The following ROR1 variants were observed in gnomAD, a reference collection of about 807,000 sequenced individuals.
ROR1 encodes the protein ROR family WNT receptor 1, also known as inactive tyrosine-protein kinase transmembrane receptor ROR1.
In ROR1, 19 loss-of-function variants were observed where a neutral mutation model predicts 78.8. The observed-to-expected ratio is 0.24, with a 90% CI of 0.17 to 0.35. The LOEUF is 0.35. Among genes scored for constraint, ROR1 ranks in the 10% least tolerant of loss-of-function variants. The pLI, the probability that ROR1 is intolerant of heterozygous loss-of-function variation, is 1.00. For synonymous variants in ROR1, 386 were observed against 433.6 expected, an observed-to-expected ratio of 0.89 and a Z score of 1.36; for missense variants, 917 against 1,177.8, an observed-to-expected ratio of 0.78 and a Z score of 3.24.
intron 1 of ROR1, among the ~76,000 whole-genome samples, chr1:63,981,719 G>T (rs1391824199): frequency 6.6e-6 from 1 of 152,034 alleles, no homozygotes; most frequent in Non-Finnish European, 1.5e-5. Flanking sequence ...AAGAAGGATG[G>T]CCTGGCCTAG....
intron 1 of ROR1, among the ~76,000 whole-genome samples, chr1:63,931,685 A>G (rs547154195): frequency 2.6e-5 from 4 of 152,324 alleles, no homozygotes; most frequent in South Asian, 2.1e-4. Flanking sequence ...TCTAGAGCCT[A>G]TTAGTCACTT....
At chr1:63,790,558 T>TTGGCAACCAATTCAGATTC (rs1553132007) in intron 1 of ROR1, among the ~76,000 whole-genome samples, 1 of 152,198 alleles carries the variant, frequency 6.6e-6, no homozygotes, top group Non-Finnish European at 1.5e-5. Flanking sequence ...CTGCTCTTAA[T>TTGGCAACCAATTCAGATTC]TGGCAACCAA....
At chr1:63,909,358 A>G (rs965834523) in intron 1 of ROR1, among the ~76,000 whole-genome samples, 39 of 152,348 alleles carry the variant, frequency 2.6e-4, no homozygotes, top group South Asian at 1.4e-3. Flanking sequence ...ATTAATTACA[A>G]TAGCATCTGT....
At chr1:63,828,500 A>T (rs1644968450) in intron 1 of ROR1, among the ~76,000 whole-genome samples, 1 of 152,176 alleles carries the variant, frequency 6.6e-6, no homozygotes, top group Admixed American at 6.5e-5. Context: ...CCAACACAAA[A>T]ATTACTGATG....
intron 1 of ROR1, among the ~76,000 whole-genome samples, chr1:63,874,868 A>G (rs11208309): frequency 0.45 from 68,767 of 151,984 alleles, 17,911 homozygotes; most frequent in African/African-American, 0.73. Context: ...GTTTCATTTC[A>G]TCAATTTTTT....
intron 1 of ROR1, among the ~76,000 whole-genome samples, chr1:63,811,428 G>A (rs1390206543): frequency 6.6e-6 from 1 of 152,148 alleles, no homozygotes; most frequent in Non-Finnish European, 1.5e-5. Context: ...TCAAAATTTT[G>A]TGTTTTGTCA....
intron 1 of ROR1, among the ~76,000 whole-genome samples, chr1:63,911,081 T>C (rs1292469432): frequency 2.0e-5 from 3 of 152,194 alleles, no homozygotes; most frequent in Non-Finnish European, 2.9e-5. Flanking sequence ...AATCAAATCA[T>C]AGACACTTTG....
intron 1 of ROR1, among the ~76,000 whole-genome samples, chr1:63,805,325 C>T (rs186093547): frequency 6.6e-6 from 1 of 152,286 alleles, no homozygotes; most frequent in Admixed American, 6.5e-5. Flanking sequence ...GCCACTGGCT[C>T]AGTGTGACCT....
intron 8 of ROR1, among the ~76,000 whole-genome samples, chr1:64,163,244 C>T (rs1649995971): frequency 6.7e-6 from 1 of 150,182 alleles, no homozygotes; most frequent in African/African-American, 2.4e-5. Context: ...CACACACACA[C>T]ACACACACAC....
intron 1 of ROR1, among the ~76,000 whole-genome samples, chr1:63,876,953 A>C (rs995057336): frequency 2.0e-5 from 3 of 151,928 alleles, no homozygotes; most frequent in African/African-American, 7.2e-5. Context: ...ACTTTTCTGC[A>C]ATGAAATAAC....
rs1292523058 is a variant in ROR1, at chr1:64,178,509, C to A, written c.2468C>A (p.Pro823Gln). ...NQRFIPINGYPIPPGYAAFPA... is the reference protein window; with the variant it reads ...NQRFIPINGYQIPPGYAAFPA... ...CGATTCATTCCCATCAATGGATACC[C>A]AATACCTCCTGGATATGCAGCGTTT... Residue 823 changes from proline to glutamine, a missense_variant, in exon 9 of 9, where the codon CCA (proline) becomes CAA (glutamine). Coordinates refer to ENST00000371079, the MANE Select transcript of ROR1 (RefSeq NM_005012.4). The surrounding 1 kb of genome is among the most constrained non-coding windows in gnomAD (Gnocchi z 4.3). The A allele has an allele frequency of 1.2e-6, 2 of 1,614,210 alleles. No homozygotes were observed. Among genetic ancestry groups the A allele is most frequent in the African/African-American group, 1.3e-5 (1 of 75,044 alleles).
At position 64,099,662 on chromosome 1, in the gene ROR1, C is replaced by T. The variant is rs1418679944; in HGVS notation, c.483-37707C>T. On this transcript the variant is annotated intron_variant, in intron 4 of 8. Coordinates refer to ENST00000371079, the MANE Select transcript of ROR1 (RefSeq NM_005012.4). ...TTGCAGATTGAGTAATGTCTTTTTC[C>T]GACAGTAAATTTAGTTAACAGTTAT... 2.6e-5 allele frequency among the ~76,000 whole-genome samples: 4 copies of T among 151,982 alleles called. No homozygotes were observed. The South Asian group carries it at 6.2e-4, about 24-fold the overall frequency.
At chr1:63,966,436 A>G (rs1210326264) in intron 1 of ROR1, among the ~76,000 whole-genome samples, 16 of 152,190 alleles carry the variant, frequency 1.1e-4, no homozygotes, top group Admixed American at 1.0e-3. Flanking sequence ...TACAGAGATA[A>G]ACAGATGGCA....
At chr1:64,112,439 A>G (rs1224044886) in intron 4 of ROR1, among the ~76,000 whole-genome samples, 2 of 152,152 alleles carry the variant, frequency 1.3e-5, no homozygotes, top group South Asian at 2.1e-4. Flanking sequence ...CAGGCATTCT[A>G]TCATGATTAC....
intron 1 of ROR1, among the ~76,000 whole-genome samples, chr1:63,957,441 C>A (rs1288707006): frequency 2.0e-5 from 3 of 152,176 alleles, no homozygotes; most frequent in East Asian, 1.9e-4. Flanking sequence ...ATGATGCCAA[C>A]AAGCAAACCT....
Position 64,159,188 on chromosome 1 carries a change from C to A in ROR1, c.1382C>A (p.Pro461His), listed in dbSNP as rs1649865392. ...VEMSMLNAYK[P>H]KSKAKELPLS... ...ATGTCAATGCTGAATGCATATAAAC[C>A]CAAGGTAATGTTAGCAGTACAGAGC... Residue 461 changes from proline to histidine, a missense_variant, in exon 8 of 9, where the codon CCC (proline) becomes CAC (histidine). By Grantham distance (77) the Pro-to-His change is moderately conservative. Coordinates refer to ENST00000371079, the MANE Select transcript of ROR1 (RefSeq NM_005012.4). 2 of 1,611,936 alleles carry A rather than the reference C, an allele frequency of 1.2e-6. No individual in the cohort carries two copies. Among genetic ancestry groups the A allele is most frequent in the Non-Finnish European group, 1.7e-6 (2 of 1,178,068 alleles).
At chr1:63,779,452 G>A (rs1483174810) in intron 1 of ROR1, among the ~76,000 whole-genome samples, 3 of 152,226 alleles carry the variant, frequency 2.0e-5, no homozygotes, top group East Asian at 1.9e-4. Context: ...TCCCTGGGGT[G>A]TGACGGGAGA....
chr1:64,067,352 A>G (rs1646964422), intron 4 of ROR1, among the ~76,000 whole-genome samples: 1 of 151,172 alleles, frequency 6.6e-6, no homozygotes, highest in Admixed American at 6.6e-5. Flanking sequence ...GTCTCACAAA[A>G]AAATAAAATA....
chr1:64,067,444 CAAA>C (rs58105318), intron 4 of ROR1, among the ~76,000 whole-genome samples: 2 of 57,476 alleles, frequency 3.5e-5, no homozygotes, highest in African/African-American at 1.2e-4. Flanking sequence ...GCCTCCGTCT[CAAA>C]AAAAAAAAAA....
Sources: gnomAD v4.1 joint callset for allele counts (sites outside exome capture counted in the v4.1 genomes callset) on GRCh38, gnomAD v4.1.1 for gene constraint, Gnocchi (gnomAD v3.1) non-coding constraint, MANE v1.5 for transcripts, NCBI Gene and HGNC (gene_info 2026-07-23, HGNC 2026-07-21) for gene names.